PHEX: variants seen among roughly 807,000 people sequenced by gnomAD.
PHEX encodes phosphate-regulating neutral endopeptidase PHEX.
Under a neutral mutation model 68.0 loss-of-function variants are expected in PHEX, and 16 were observed. The observed-to-expected ratio is 0.24, with a 90% confidence interval of 0.16 to 0.36. The LOEUF (loss-of-function observed/expected upper bound fraction) is 0.36. Ranked by LOEUF, PHEX falls within the 10% of genes least tolerant of loss-of-function variation. The pLI is 1.00. For missense variants in PHEX, 480 were observed against 575.5 expected, an observed-to-expected ratio of 0.83 and a Z score of 1.70; for synonymous variants, 208 against 205.1, an observed-to-expected ratio of 1.01 and a Z score of -0.12.
At chrX:22,233,758 T>C (rs1010892800) in intron 20 of PHEX, among the ~76,000 whole-genome samples, 2 of 111,809 alleles carry the variant, frequency 1.8e-5, no homozygotes, top group East Asian at 5.7e-4. Context: ...GTTAGAACAA[T>C]GCTCCTTTAG....
intron 21 of PHEX, 76 bp downstream of exon 21, chrX:22,245,485 G>C (rs1028754690): frequency 7.2e-6 from 5 of 692,004 alleles, no homozygotes; most frequent in Non-Finnish European, 1.2e-5. Flanking sequence ...CCATCCAAGG[G>C]CTCTACCAGA....
intron 3 of PHEX, among the ~76,000 whole-genome samples, chrX:22,068,978 C>CA (rs1170973120): frequency 3.6e-5 from 4 of 111,013 alleles, no homozygotes; most frequent in African/African-American, 1.3e-4. Context: ...TAAAAACATA[C>CA]AAAAAAATTA....
intron 12 of PHEX, among the ~76,000 whole-genome samples, chrX:22,163,645 A>G (rs1205584602): frequency 9.0e-6 from 1 of 111,646 alleles, no homozygotes; most frequent in Non-Finnish European, 1.9e-5. Context: ...CTTGCAGGAT[A>G]TAATATGCAA....
Position 22,032,779 on chromosome X carries a change from T to C in PHEX, c.-227T>C, listed in dbSNP as rs1926853877. ...ATAAAGCAACACTGTTTGTTTTGTC[T>C]AGTCAGGGGGAAAGCCAAGGCAACC... On this transcript the variant is annotated 5_prime_UTR_variant, in exon 1 of 22. Transcript: ENST00000379374. 4.9e-6 allele frequency: 2 copies of C among 410,742 alleles called. No individual in the cohort carries two copies. The highest frequency in any genetic ancestry group is 4.3e-6 in the Non-Finnish European group (1 of 233,264). The allele number at this position is 410,742 out of a possible 1,213,427, so 33.8% of individuals were successfully genotyped here.
Position 22,082,852 on chromosome X carries a change from G to A in PHEX, c.663+5150G>A, listed in dbSNP as rs185293869. 1.8e-3 allele frequency among the ~76,000 whole-genome samples: 197 copies of A among 112,025 alleles called. 1 individual carries two copies. The highest frequency in any genetic ancestry group is 6.0e-3 in the African/African-American group (185 of 30,900). ...GACATTGTTCACAGAATTAGAAAAA[G>A]GCTATTCTAAAATTCATATGGAATC... is the stretch of plus-strand genomic sequence containing the variant. On this transcript the variant is annotated intron_variant, in intron 5 of 21. Transcript: ENST00000379374.
intron 12 of PHEX, among the ~76,000 whole-genome samples, chrX:22,157,016 G>A (rs2147107974): frequency 9.0e-6 from 1 of 111,251 alleles, no homozygotes; most frequent in Admixed American, 9.6e-5. Context: ...CCAGGTAGCT[G>A]GGATTTCAGG....
intron 12 of PHEX, among the ~76,000 whole-genome samples, chrX:22,150,877 G>A (rs756290601): frequency 8.9e-6 from 1 of 112,393 alleles, no homozygotes; most frequent in Non-Finnish European, 1.9e-5. Flanking sequence ...TTGAATATAG[G>A]TGGCCTTTCT....
At chrX:22,093,146 A>G (rs1427917822) in intron 6 of PHEX, among the ~76,000 whole-genome samples, 1 of 112,444 alleles carries the variant, frequency 8.9e-6, no homozygotes, top group Non-Finnish European at 1.9e-5. Context: ...AAGGTCATAC[A>G]TATAGTAAGA....
Position 22,032,955 on chromosome X carries a change from C to T in PHEX, c.-51C>T. On this transcript the variant is annotated 5_prime_UTR_variant, in exon 1 of 22. Transcript: ENST00000379374. Reference sequence around the variant, plus strand: ...AACGCCTCGCTCTTGAGACCAGCCACCAAACCACGAAAAGTGACTTTCTTC... The same window carrying T: ...AACGCCTCGCTCTTGAGACCAGCCATCAAACCACGAAAAGTGACTTTCTTC... The T allele has an allele frequency of 2.0e-6, 2 of 994,184 alleles. No homozygotes were observed. The highest frequency in any genetic ancestry group is 2.9e-6 in the Non-Finnish European group (2 of 697,458). 81.9% of individuals were successfully genotyped at this position (994,184 alleles called of 1,213,427 possible). A position where few individuals can be genotyped will look rare whatever the true frequency, so the allele number is the denominator to read the frequency against.
intron 5 of PHEX, among the ~76,000 whole-genome samples, chrX:22,081,960 C>G (rs1181017993): frequency 9.0e-6 from 1 of 111,658 alleles, no homozygotes; most frequent in Non-Finnish European, 1.9e-5. Context: ...TTAATGAAGA[C>G]AACAACTTAA....
chrX:22,034,157 T>C (rs763229843), intron 1 of PHEX, among the ~76,000 whole-genome samples: 8 of 111,978 alleles, frequency 7.1e-5, no homozygotes, highest in African/African-American at 2.6e-4. Flanking sequence ...TGCAACTGAA[T>C]CTGTGGCTCT....
At chrX:22,155,942 C>T (rs760028195) in intron 12 of PHEX, among the ~76,000 whole-genome samples, 1 of 111,738 alleles carries the variant, frequency 8.9e-6, no homozygotes, top group East Asian at 2.8e-4. Context: ...TGCAACTACT[C>T]AAACTCCACT....
At chrX:22,074,096 G>A (rs1929037367) in intron 3 of PHEX, among the ~76,000 whole-genome samples, 1 of 111,289 alleles carries the variant, frequency 9.0e-6, no homozygotes, top group Non-Finnish European at 1.9e-5. Flanking sequence ...TCAATGCTTT[G>A]GGGACATTTT....
chrX:22,049,404 G>A (rs1483192827), intron 3 of PHEX, among the ~76,000 whole-genome samples: 2 of 110,264 alleles, frequency 1.8e-5, no homozygotes, highest in Non-Finnish European at 3.8e-5. Flanking sequence ...ATGAGCCACC[G>A]CGCCTGGCCA....
At chrX:22,073,480 C>A (rs1382822736) in intron 3 of PHEX, among the ~76,000 whole-genome samples, 1 of 110,936 alleles carries the variant, frequency 9.0e-6, no homozygotes, top group African/African-American at 3.3e-5. Flanking sequence ...TCCAAAGCAC[C>A]CCCTTCCCAC....
At chrX:22,075,285 C>CTTTTTTT (rs1164944990) in intron 3 of PHEX, among the ~76,000 whole-genome samples, 1 of 62,353 alleles carries the variant, frequency 1.6e-5, no homozygotes, top group Non-Finnish European at 3.0e-5. Flanking sequence ...CTCTGGGTTG[C>CTTTTTTT]TTTTTTTTTT....
chrX:22,107,256 C>T (rs1018087722), intron 9 of PHEX, among the ~76,000 whole-genome samples: 1 of 112,049 alleles, frequency 8.9e-6, no homozygotes, highest in Non-Finnish European at 1.9e-5. Flanking sequence ...TGCCATACTA[C>T]ATCTTCCACC....
At chrX:22,218,596 T>C (rs889841067) in intron 16 of PHEX, among the ~76,000 whole-genome samples, 4 of 112,070 alleles carry the variant, frequency 3.6e-5, no homozygotes, top group Admixed American at 2.8e-4. Context: ...TGGAAAACAA[T>C]TTAACTTCTA....
Position 22,094,584 on chromosome X carries a change from T to G in PHEX, c.849+485T>G, listed in dbSNP as rs776648017. Among the ~76,000 whole-genome samples the G allele has an allele frequency of 2.7e-4, 30 of 112,622 alleles. No homozygotes were observed. In the South Asian group the frequency reaches 0.011, roughly 41 times the overall value. On this transcript the variant is annotated intron_variant, in intron 7 of 21. Coordinates refer to ENST00000379374, the MANE Select transcript of PHEX (RefSeq NM_000444.6). ...GAAATCTGTCCACCAATACTGGATA[T>G]AAAAGTTGGTATAGAAATAGGTAGG...
Sources: gnomAD v4.1 joint callset for allele counts (sites outside exome capture counted in the v4.1 genomes callset) on GRCh38, gnomAD v4.1.1 for gene constraint, MANE v1.5 for transcripts, NCBI Gene and HGNC (gene_info 2026-07-23, HGNC 2026-07-21) for gene names.